PDE7B: variants seen among roughly 807,000 people sequenced by gnomAD.
PDE7B encodes the protein phosphodiesterase 7B, also known as 3',5'-cyclic-AMP phosphodiesterase 7B.
Under a neutral mutation model 56.2 loss-of-function variants are expected in PDE7B, and 29 were observed. The observed-to-expected ratio is 0.52, with a 90% CI of 0.38 to 0.70. PDE7B has a LOEUF of 0.70. Ranked by LOEUF, PDE7B falls within the 30% of genes least tolerant of loss-of-function variation. The pLI is 0.00. For missense variants in PDE7B, 490 were observed against 565.0 expected, an observed-to-expected ratio of 0.87 and a Z score of 1.35; for synonymous variants, 197 against 196.9, an observed-to-expected ratio of 1.00 and a Z score of 0.00.
chr6:136,150,365 C>T (rs1372092075), intron 5 of PDE7B, among the ~76,000 whole-genome samples: 1 of 152,152 alleles, frequency 6.6e-6, no homozygotes, highest in Non-Finnish European at 1.5e-5. Context: ...GTCTTAAATT[C>T]ATTTAGTGTT....
At chr6:135,954,681 A>C (rs768979881) in intron 2 of PDE7B, among the ~76,000 whole-genome samples, 1 of 152,204 alleles carries the variant, frequency 6.6e-6, no homozygotes, top group Non-Finnish European at 1.5e-5. Context: ...CTGAGAATAC[A>C]GGAAGAGGCC....
rs1779267412 is a variant in PDE7B, at chr6:136,193,725, TAG to T, written c.*1889_*1890del. On this transcript the variant is annotated 3_prime_UTR_variant, in exon 13 of 13. Transcript: ENST00000308191. ...ACTTATTTCCTAAGTGCAACTGTTT[TAG>T]AGATTTTTCTCCTAACATGCAAAGG... is the stretch of plus-strand genomic sequence containing the variant. The T allele has an allele frequency of 6.6e-6, 1 of 152,230 alleles. No individual in the cohort carries two copies. Among genetic ancestry groups the T allele is most frequent in the African/African-American group, 2.4e-5 (1 of 41,450 alleles). The allele number at this position is 152,230 out of a possible 1,614,324, so 9.4% of individuals were successfully genotyped here. A position where few individuals can be genotyped will look rare whatever the true frequency, so the allele number is the denominator to read the frequency against.
intron 1 of PDE7B, among the ~76,000 whole-genome samples, chr6:135,862,681 A>G (rs1428079655): frequency 1.3e-5 from 2 of 151,938 alleles, no homozygotes; most frequent in Non-Finnish European, 3.0e-5. Flanking sequence ...TTACAGTTTT[A>G]ATTCCATTTA....
chr6:136,099,345 C>T (rs1217273277), intron 2 of PDE7B, among the ~76,000 whole-genome samples: 2 of 152,172 alleles, frequency 1.3e-5, no homozygotes, highest in Admixed American at 6.5e-5. Context: ...CTTGAGGAAT[C>T]GCCACACTGT....
chr6:135,966,039 T>C (rs1413379312), intron 2 of PDE7B, among the ~76,000 whole-genome samples: 1 of 152,194 alleles, frequency 6.6e-6, no homozygotes. Flanking sequence ...AGGATATGTT[T>C]AGGGTAATAA....
intron 3 of PDE7B, among the ~76,000 whole-genome samples, chr6:136,119,049 G>A (rs1164911118): frequency 6.6e-6 from 1 of 152,132 alleles, no homozygotes; most frequent in Admixed American, 6.5e-5. Flanking sequence ...CTTGTAAGCT[G>A]CCCCCAAAGA....
At chr6:136,098,526 T>C (rs73561314) in intron 2 of PDE7B, among the ~76,000 whole-genome samples, 3,881 of 152,256 alleles carry the variant, frequency 0.025, 162 homozygotes, top group African/African-American at 0.087. Context: ...GAACACTTTA[T>C]GGGATTGCTA....
intron 5 of PDE7B, among the ~76,000 whole-genome samples, chr6:136,150,867 G>A (rs1298586942): frequency 2.0e-5 from 3 of 151,982 alleles, no homozygotes; most frequent in African/African-American, 4.8e-5. Flanking sequence ...GTGTGTGTGT[G>A]TGTATGTGTA....
At chr6:136,109,373 C>T (rs1266225174) in intron 3 of PDE7B, among the ~76,000 whole-genome samples, 3 of 152,144 alleles carry the variant, frequency 2.0e-5, no homozygotes, top group Non-Finnish European at 4.4e-5. Context: ...CTGTGATGCC[C>T]TATACAGGGA....
chr6:136,132,320 T>C lies in PDE7B; in HGVS notation c.167-15031T>C, dbSNP rs183718133. Among the ~76,000 whole-genome samples the C allele has an allele frequency of 6.6e-5, 10 of 152,216 alleles. No individual in the cohort carries two copies. The East Asian group carries it at 1.9e-3, about 29-fold the overall frequency. On this transcript the variant is annotated intron_variant, in intron 3 of 12. Transcript: ENST00000308191. ...ATCCTTTGGGTGCTGATACATCATT[T>C]TGGATCCCTATACCCCAGAGAAAAT...
At chr6:135,926,085 T>TGGGGGGG (rs948738463) in intron 1 of PDE7B, among the ~76,000 whole-genome samples, 8 of 16,158 alleles carry the variant, frequency 5.0e-4, no homozygotes, top group Admixed American at 3.6e-3. Context: ...TTCTTTTTTT[T>TGGGGGGG]GGGGGGGGGG....
intron 2 of PDE7B, among the ~76,000 whole-genome samples, chr6:136,004,698 A>C (rs1775743727): frequency 6.6e-6 from 1 of 152,164 alleles, no homozygotes; most frequent in Non-Finnish European, 1.5e-5. Context: ...TCAAGGAAAT[A>C]AAAGAGGATA....
At chr6:136,074,620 T>C (rs539333195) in intron 2 of PDE7B, among the ~76,000 whole-genome samples, 1 of 152,292 alleles carries the variant, frequency 6.6e-6, no homozygotes, top group East Asian at 1.9e-4. Flanking sequence ...CTACTCCCTA[T>C]CTCCATGAGC....
intron 2 of PDE7B, among the ~76,000 whole-genome samples, chr6:135,988,494 G>A (rs1278028364): frequency 6.6e-6 from 1 of 152,128 alleles, no homozygotes; most frequent in Non-Finnish European, 1.5e-5. Context: ...TACATTTTAA[G>A]AGCCCACTGT....
At chr6:136,016,723 C>G (rs150186825) in intron 2 of PDE7B, among the ~76,000 whole-genome samples, 1,807 of 152,050 alleles carry the variant, frequency 0.012, 13 homozygotes, top group South Asian at 0.036. Flanking sequence ...ACAAGTTCAA[C>G]CACCTGCAAC....
At chr6:135,920,456 C>T (rs1431552473) in intron 1 of PDE7B, among the ~76,000 whole-genome samples, 1 of 152,116 alleles carries the variant, frequency 6.6e-6, no homozygotes, top group Non-Finnish European at 1.5e-5. Flanking sequence ...ATACATGACC[C>T]TCCCCATCAA....
rs1173281314 is a variant in PDE7B, at chr6:136,135,110, G to A, written c.167-12241G>A. Among the ~76,000 whole-genome samples the A allele has an allele frequency of 2.0e-5, 3 of 152,072 alleles. 1 individual carries two copies. Among genetic ancestry groups the A allele is most frequent in the South Asian group, 4.1e-4 (2 of 4,830 alleles). On this transcript the variant is annotated intron_variant, in intron 3 of 12. Coordinates refer to ENST00000308191, the MANE Select transcript of PDE7B (RefSeq NM_018945.4). ...TTCTAGTGACAGCCATCAAGAAGTC[G>A]TGAGTATTTTTTGTACACAGAAGAG... is the stretch of plus-strand genomic sequence containing the variant.
intron 1 of PDE7B, among the ~76,000 whole-genome samples, chr6:135,920,005 C>T (rs1311051398): frequency 3.4e-4 from 52 of 151,786 alleles, no homozygotes; most frequent in Admixed American, 6.6e-4. Flanking sequence ...ATAAGAAAAC[C>T]AAACTTAAAC....
chr6:136,140,238 C>T (rs949270253), intron 3 of PDE7B, among the ~76,000 whole-genome samples: 11 of 152,178 alleles, frequency 7.2e-5, no homozygotes, highest in Admixed American at 6.6e-5. Flanking sequence ...ATCGTTTCCC[C>T]ATTTCTTGTT....
Sources: gnomAD v4.1 joint callset for allele counts (sites outside exome capture counted in the v4.1 genomes callset) on GRCh38, gnomAD v4.1.1 for gene constraint, MANE v1.5 for transcripts, NCBI Gene and HGNC (gene_info 2026-07-23, HGNC 2026-07-21) for gene names.